The following VKORC1L1 variants were observed in gnomAD, a reference collection of about 807,000 sequenced individuals.
VKORC1L1 encodes vitamin K epoxide reductase complex subunit 1L1.
A neutral mutation model predicts 18.9 loss-of-function variants in VKORC1L1; 2 were observed. The observed-to-expected ratio is 0.11, with a 90% CI of 0.04 to 0.33. The LOEUF is 0.33. VKORC1L1 is among the 10% of genes least tolerant of loss of function. VKORC1L1 has a pLI of 1.00. For synonymous variants in VKORC1L1, 96 were observed against 100.0 expected (o/e 0.96, Z 0.24); for missense variants, 123 against 224.1 (o/e 0.55, Z 2.88).
intron 1 of VKORC1L1, among the ~76,000 whole-genome samples, chr7:65,894,208 A>T (rs1339101016): frequency 6.6e-6 from 1 of 151,102 alleles, no homozygotes; most frequent in South Asian, 2.1e-4. Context: ...ACCTGCCTCA[A>T]CCTCCCAAAA....
intron 1 of VKORC1L1, among the ~76,000 whole-genome samples, chr7:65,880,810 C>T (rs1439993254): frequency 1.3e-5 from 2 of 152,136 alleles, no homozygotes; most frequent in Non-Finnish European, 2.9e-5. Flanking sequence ...TTGCCCATAG[C>T]AAGTGCAAAA....
chr7:65,899,441 T>G (rs1367669529), intron 1 of VKORC1L1, among the ~76,000 whole-genome samples: 1 of 152,218 alleles, frequency 6.6e-6, no homozygotes, highest in Non-Finnish European at 1.5e-5. Flanking sequence ...TGCTTTGAGA[T>G]CATTATTCTA....
chr7:65,921,358 T>TC lies in VKORC1L1; in HGVS notation c.195-27307dup, dbSNP rs1374440282. ...GATTAATCAAACATCTTATTCCATT[T>TC]CCCCCCACTGTATTATCTTATTCAT... On this transcript the variant is annotated intron_variant, in intron 1 of 2. Coordinates refer to ENST00000360768, the MANE Select transcript of VKORC1L1 (RefSeq NM_173517.6). 2.6e-5 allele frequency among the ~76,000 whole-genome samples: 4 copies of TC among 152,238 alleles called. No homozygotes were observed. The East Asian group carries it at 7.7e-4, about 29-fold the overall frequency.
intron 2 of VKORC1L1, among the ~76,000 whole-genome samples, chr7:65,952,970 A>C (rs113084692): frequency 6.6e-5 from 10 of 150,446 alleles, no homozygotes; most frequent in African/African-American, 2.2e-4. Flanking sequence ...TTTCTCTTGT[A>C]CTTTTTAGTA....
chr7:65,936,703 G>T (rs1014614954), intron 1 of VKORC1L1, among the ~76,000 whole-genome samples: 4 of 152,150 alleles, frequency 2.6e-5, no homozygotes, highest in Non-Finnish European at 5.9e-5. Context: ...AGAATTAAGG[G>T]ATTCCCTTCT....
chr7:65,909,690 TTGTG>T (rs56074368), intron 1 of VKORC1L1, among the ~76,000 whole-genome samples: 1,521 of 123,778 alleles, frequency 0.012, 10 homozygotes, highest in South Asian at 0.029. Flanking sequence ...GTTTTAGCCT[TTGTG>T]TGTGTGTGTG....
chr7:65,900,030 CATGTGCACGCACGTGTGTGT>C (rs1359572726), intron 1 of VKORC1L1, among the ~76,000 whole-genome samples: 1 of 141,618 alleles, frequency 7.1e-6, no homozygotes, highest in African/African-American at 2.7e-5. Flanking sequence ...TGCGTGTGTG[CATGTGCACGCACGTGTGTGT>C]GTGTGTGTGT....
At chr7:65,926,212 G>T (rs1172455504) in intron 1 of VKORC1L1, among the ~76,000 whole-genome samples, 2 of 151,928 alleles carry the variant, frequency 1.3e-5, no homozygotes, top group African/African-American at 4.8e-5. Context: ...CTGGAGTGAA[G>T]TGGCACCATC....
chr7:65,931,140 G>C (rs1249107192), intron 1 of VKORC1L1, among the ~76,000 whole-genome samples: 3 of 150,910 alleles, frequency 2.0e-5, no homozygotes, highest in Non-Finnish European at 4.4e-5. Context: ...TTTGTTGAGG[G>C]GTTTTAAGAG....
chr7:65,950,784 T>C (rs1053695164), intron 2 of VKORC1L1, among the ~76,000 whole-genome samples: 1 of 152,216 alleles, frequency 6.6e-6, no homozygotes, highest in Non-Finnish European at 1.5e-5. Context: ...AATTTTGGTA[T>C]AATAGGTATA....
intron 2 of VKORC1L1, among the ~76,000 whole-genome samples, chr7:65,952,737 A>G (rs1042449958): frequency 6.9e-6 from 1 of 145,110 alleles, no homozygotes; most frequent in African/African-American, 2.6e-5. Flanking sequence ...AAAACAATAC[A>G]TGTGAAGATA....
intron 1 of VKORC1L1, among the ~76,000 whole-genome samples, chr7:65,914,549 G>A (rs1789555539): frequency 1.3e-5 from 2 of 152,030 alleles, no homozygotes; most frequent in Non-Finnish European, 2.9e-5. Flanking sequence ...CTTTTTAATG[G>A]CAATTACTCA....
chr7:65,899,939 G>A (rs992853536), intron 1 of VKORC1L1, among the ~76,000 whole-genome samples: 2 of 151,322 alleles, frequency 1.3e-5, no homozygotes, highest in African/African-American at 4.9e-5. Context: ...GGCAGAGGTT[G>A]CAGTGACCCA....
intron 1 of VKORC1L1, among the ~76,000 whole-genome samples, chr7:65,917,592 A>T (rs1202484482): frequency 6.6e-6 from 1 of 152,168 alleles, no homozygotes; most frequent in Non-Finnish European, 1.5e-5. Flanking sequence ...AATATGAAAC[A>T]TACAGAAAAC....
At chr7:65,912,877 A>G (rs1789523274) in intron 1 of VKORC1L1, among the ~76,000 whole-genome samples, 1 of 152,214 alleles carries the variant, frequency 6.6e-6, no homozygotes, top group African/African-American at 2.4e-5. Context: ...AATTTACAAC[A>G]TGGGAAAGTT....
chr7:65,949,801 T>C (rs543636871), intron 2 of VKORC1L1, among the ~76,000 whole-genome samples: 14 of 152,280 alleles, frequency 9.2e-5, no homozygotes, highest in Middle Eastern at 3.4e-3. Flanking sequence ...AATAATTTAA[T>C]GTGAACTGTG....
Position 65,924,951 on chromosome 7 carries a change from C to T in VKORC1L1, c.195-23720C>T, listed in dbSNP as rs942834972. 2.6e-5 allele frequency among the ~76,000 whole-genome samples: 4 copies of T among 152,252 alleles called. No homozygotes were observed. In the South Asian group the frequency reaches 6.2e-4, roughly 24 times the overall value. ...CCCGCTTCCAGCTGTTTTCCATCAC[C>T]TTCATGGGTGCTTTCCCTCCTGGTT... is the stretch of plus-strand genomic sequence containing the variant. On this transcript the variant is annotated intron_variant, in intron 1 of 2. Transcript: ENST00000360768.
chr7:65,957,826 G>A lies in VKORC1L1; in HGVS notation c.*3526G>A, dbSNP rs1790324350. On this transcript the variant is annotated 3_prime_UTR_variant, in exon 3 of 3. Coordinates refer to ENST00000360768, the MANE Select transcript of VKORC1L1 (RefSeq NM_173517.6). ...CAGCCTGGGCAATGAGTGAAACTCT[G>A]TCTCAAATAAAAAAATAAAAATAAA... 6.6e-6 allele frequency: 1 copy of A among 152,068 alleles called. No individual in the cohort carries two copies. Among genetic ancestry groups the A allele is most frequent in the African/African-American group, 2.4e-5 (1 of 41,420 alleles). The allele number at this position is 152,068 out of a possible 1,614,324, so 9.4% of individuals were successfully genotyped here.
At chr7:65,886,016 G>T (rs1241336393) in intron 1 of VKORC1L1, among the ~76,000 whole-genome samples, 1 of 152,172 alleles carries the variant, frequency 6.6e-6, no homozygotes, top group Non-Finnish European at 1.5e-5. Context: ...GTTTATTCTG[G>T]AGTTGCCTCT....
Sources: gnomAD v4.1 joint callset for allele counts (sites outside exome capture counted in the v4.1 genomes callset) on GRCh38, gnomAD v4.1.1 for gene constraint, MANE v1.5 for transcripts, NCBI Gene and HGNC (gene_info 2026-07-23, HGNC 2026-07-21) for gene names.